EFCAB6: variants seen among roughly 807,000 people sequenced by gnomAD.
EFCAB6 encodes EF-hand calcium-binding domain-containing protein 6.
EFCAB6 carries 156 observed loss-of-function variants against 169.8 expected under a neutral mutation model. The ratio of observed to expected loss-of-function variants is 0.92; its 90% CI spans 0.81 to 1.05. The LOEUF (loss-of-function observed/expected upper bound fraction) is 1.05. Ranked by LOEUF, EFCAB6 falls within the 50% of genes least tolerant of loss-of-function variation. The pLI is 0.00. For synonymous variants in EFCAB6, 698 were observed against 676.4 expected, an observed-to-expected ratio of 1.03 and a Z score of -0.50; for missense variants, 1,800 against 1,829.1, an observed-to-expected ratio of 0.98 and a Z score of 0.29.
rs769692773 is a variant in EFCAB6 at position 43,782,261 on chromosome 22, AT to A, written c.57del (p.Lys19AsnfsTer40). 3.3e-5 allele frequency: 53 copies of A among 1,613,938 alleles called. 1 individual carries two copies. The South Asian group carries it at 5.3e-4, about 16-fold the overall frequency. ...DWLRSHPHTR[K>X]FTHSRPHSSP... ...GAAGAATGGGGTCTTGAATGTGTAAATTTTCGTGTGTGAGGATGCGACCTAA... is the reference window on the plus strand; with the variant it reads ...GAAGAATGGGGTCTTGAATGTGTAAATTTCGTGTGTGAGGATGCGACCTAA... On this transcript the variant is annotated frameshift_variant, in exon 3 of 32. Transcript: ENST00000262726. LOFTEE classifies it high-confidence loss of function.
chr22:43,711,456 G>C lies in EFCAB6; in HGVS notation c.1031+19C>G, dbSNP rs1488521932. On this transcript the variant is annotated intron_variant, in intron 10 of 31. Transcript: ENST00000262726. ...GACGTTTGGGGAAAAAAATGTCAAG[G>C]AAACAATGAGACTCTTACCTTTTCA... 1.3e-6 allele frequency: 2 copies of C among 1,541,314 alleles called. No individual in the cohort carries two copies. Among genetic ancestry groups the C allele is most frequent in the Non-Finnish European group, 1.7e-6 (2 of 1,150,236 alleles).
At chr22:43,676,355 G>A (rs2057759141) in intron 13 of EFCAB6, among the ~76,000 whole-genome samples, 1 of 150,064 alleles carries the variant, frequency 6.7e-6, no homozygotes, top group South Asian at 2.1e-4. Context: ...AGGCAGGGAG[G>A]TTGCAGTGAG....
chr22:43,669,054 T>A lies in EFCAB6; in HGVS notation c.1641-9A>T. 1 of 1,593,034 alleles carries A rather than the reference T, an allele frequency of 6.3e-7. No homozygotes were observed. Among genetic ancestry groups the A allele is most frequent in the Non-Finnish European group, 8.5e-7 (1 of 1,171,058 alleles). On this transcript the variant is annotated splice_polypyrimidine_tract_variant and intron_variant, in intron 15 of 31. Transcript: ENST00000262726. ...GAATCTTACTGCAGAGTCTGAATTT[T>A]AAAAAATAATTAAAACACACTCAGT...
chr22:43,656,120 G>A (rs1242767923), intron 17 of EFCAB6, among the ~76,000 whole-genome samples: 3 of 152,182 alleles, frequency 2.0e-5, no homozygotes, highest in Non-Finnish European at 2.9e-5. Context: ...GCCGGGTGCA[G>A]TGGCTCACGC....
intron 2 of EFCAB6, among the ~76,000 whole-genome samples, chr22:43,785,770 G>A (rs757618923): frequency 4.8e-4 from 73 of 151,944 alleles, no homozygotes; most frequent in Non-Finnish European, 9.1e-4. Context: ...CAAAAACAAT[G>A]AGAAAACACT....
intron 2 of EFCAB6, among the ~76,000 whole-genome samples, chr22:43,798,886 G>C (rs2062604746): frequency 6.6e-6 from 1 of 152,172 alleles, no homozygotes; most frequent in Non-Finnish European, 1.5e-5. Context: ...TGAGGTCACT[G>C]TCCAGTTCAT....
chr22:43,627,636 G>T (rs1009790603), intron 19 of EFCAB6, among the ~76,000 whole-genome samples: 1 of 152,120 alleles, frequency 6.6e-6, no homozygotes, highest in Admixed American at 6.5e-5. Context: ...TGCTTCCCGG[G>T]TCTCAGGCCT....
At chr22:43,793,704 C>T (rs2062395235) in intron 2 of EFCAB6, among the ~76,000 whole-genome samples, 1 of 115,010 alleles carries the variant, frequency 8.7e-6, no homozygotes, top group African/African-American at 3.3e-5. Flanking sequence ...GAGACTAACA[C>T]TACTCTGTGG....
chr22:43,699,403 T>G (rs1483371017), intron 10 of EFCAB6, among the ~76,000 whole-genome samples: 1 of 152,168 alleles, frequency 6.6e-6, no homozygotes, highest in African/African-American at 2.4e-5. Context: ...TCTTGCCCCC[T>G]CAGGCCTAGG....
rs36014478 is a variant in EFCAB6 at position 43,537,829 on chromosome 22, C to CTGTG, written c.3880-288_3880-285dup. Among the ~76,000 whole-genome samples the CTGTG allele has an allele frequency of 0.015, 2,273 of 151,272 alleles. 27 individuals carry two copies. Among genetic ancestry groups the CTGTG allele is most frequent in the Admixed American group, 0.026 (395 of 15,188 alleles). On this transcript the variant is annotated intron_variant, in intron 28 of 31. Coordinates refer to ENST00000262726, the MANE Select transcript of EFCAB6 (RefSeq NM_022785.4). The surrounding 1 kb of genome is among the most constrained non-coding windows in gnomAD (Gnocchi z 4.3). ...CAGATGAGATGTAAACATATTTCTG[C>CTGTG]TGTGTGTGTGTGTGTGTGAGAAGTG...
intron 31 of EFCAB6, 63 bp downstream of exon 31, chr22:43,530,752 T>C (rs1158364999): frequency 6.2e-7 from 1 of 1,601,458 alleles, no homozygotes; most frequent in African/African-American, 1.3e-5. Flanking sequence ...CGTGGGAAGT[T>C]TCTGGCCGCT....
chr22:43,736,020 A>C (rs961501408), intron 6 of EFCAB6, 27 bp from the exon 7 acceptor site: 3 of 1,589,336 alleles, frequency 1.9e-6, no homozygotes, highest in Non-Finnish European at 1.7e-6. Context: ...ATTTAGGAAA[A>C]GTCAAAAGAT....
chr22:43,728,537 A>C (rs1379679527), intron 8 of EFCAB6, among the ~76,000 whole-genome samples: 1 of 152,198 alleles, frequency 6.6e-6, no homozygotes, highest in African/African-American at 2.4e-5. Context: ...AACAGGGTAG[A>C]AGTGTTCCTA....
At chr22:43,650,972 T>G (rs1374132425) in intron 17 of EFCAB6, among the ~76,000 whole-genome samples, 1 of 152,148 alleles carries the variant, frequency 6.6e-6, no homozygotes, top group African/African-American at 2.4e-5. Flanking sequence ...TTCAGTTTTA[T>G]GAGGGAAGCA....
intron 23 of EFCAB6, among the ~76,000 whole-genome samples, 179 bp from the exon 24 acceptor site, chr22:43,590,408 T>TAA (rs10655009): frequency 0.73 from 111,525 of 151,842 alleles, 41,086 homozygotes; most frequent in Admixed American, 0.8. Flanking sequence ...AGAAATATTA[T>TAA]GTCTGTATCA....
chr22:43,759,494 G>A (rs906585840), intron 5 of EFCAB6: 9 of 152,140 alleles, frequency 5.9e-5, no homozygotes, highest in African/African-American at 1.7e-4. Flanking sequence ...GGCCCTCTCC[G>A]TCCATATGTA....
At chr22:43,618,128 G>T (rs1452074050) in intron 20 of EFCAB6, among the ~76,000 whole-genome samples, 1 of 85,056 alleles carries the variant, frequency 1.2e-5, no homozygotes, top group Non-Finnish European at 2.3e-5. Flanking sequence ...AAAAAAAAAA[G>T]AAAGAGACAG....
chr22:43,700,178 C>G (rs1420474625), intron 10 of EFCAB6, among the ~76,000 whole-genome samples: 1 of 152,178 alleles, frequency 6.6e-6, no homozygotes, highest in Admixed American at 6.5e-5. Flanking sequence ...CACATACACA[C>G]ACACAGAAAA....
At chr22:43,804,758 CAAAA>C (rs57008458) in intron 2 of EFCAB6, among the ~76,000 whole-genome samples, 9,079 of 127,040 alleles carry the variant, frequency 0.071, 398 homozygotes, top group South Asian at 0.16. Context: ...AGCCCTGCCT[CAAAA>C]AAAAAAAAAA....
Sources: allele counts gnomAD v4.1 joint callset (sites outside exome capture counted in the v4.1 genomes callset), GRCh38; gene constraint gnomAD v4.1.1; non-coding constraint Gnocchi (gnomAD v3.1); transcripts MANE v1.5; gene names NCBI Gene and HGNC (gene_info 2026-07-23, HGNC 2026-07-21).